The following DLGAP2 variants were observed in gnomAD, a reference collection of about 807,000 sequenced individuals.
DLGAP2 encodes DLG associated protein 2.
Under a neutral mutation model 100.3 loss-of-function variants are expected in DLGAP2, and 26 were observed. The ratio of observed to expected loss-of-function variants is 0.26; its 90% CI spans 0.19 to 0.36. DLGAP2 has a LOEUF of 0.36. DLGAP2 is among the 10% of genes least tolerant of loss of function. DLGAP2 has a pLI of 1.00. For synonymous variants in DLGAP2, 886 were observed against 630.1 expected (o/e 1.41, Z -6.08); for missense variants, 1,858 against 1,453.2 (o/e 1.28, Z -4.53).
intron 1 of DLGAP2, among the ~76,000 whole-genome samples, chr8:904,000 C>T (rs111998057): frequency 2.2e-4 from 34 of 152,316 alleles, no homozygotes; most frequent in African/African-American, 7.2e-4. Flanking sequence ...GGCCTCTGGA[C>T]GCAGGGGACA....
chr8:1,125,462 A>G (rs1458058807), intron 2 of DLGAP2, among the ~76,000 whole-genome samples: 2 of 152,218 alleles, frequency 1.3e-5, no homozygotes, highest in Non-Finnish European at 2.9e-5. Context: ...TACTATATTT[A>G]TAATAAATAT....
At chr8:1,689,049 A>G (rs560087769) in intron 12 of DLGAP2, among the ~76,000 whole-genome samples, 12 of 152,340 alleles carry the variant, frequency 7.9e-5, no homozygotes, top group African/African-American at 2.4e-4. Context: ...TGTGCAATGA[A>G]TCTCACCAGT....
chr8:1,083,585 C>G (rs865859721), intron 2 of DLGAP2, among the ~76,000 whole-genome samples: 3 of 152,132 alleles, frequency 2.0e-5, no homozygotes, highest in Non-Finnish European at 2.9e-5. Flanking sequence ...ACAACCTTTT[C>G]CCTCATAATT....
chr8:1,000,566 G>A (rs1800925602), intron 2 of DLGAP2, among the ~76,000 whole-genome samples: 1 of 152,160 alleles, frequency 6.6e-6, no homozygotes. Flanking sequence ...CTTTTGCACT[G>A]GTGTCTAGAT....
At chr8:890,107 G>T (rs2128995349) in intron 1 of DLGAP2, among the ~76,000 whole-genome samples, 1 of 152,214 alleles carries the variant, frequency 6.6e-6, no homozygotes, top group East Asian at 1.9e-4. Flanking sequence ...AGAGAACCTG[G>T]ATACCTTGGC....
At chr8:1,341,042 C>T (rs111276291) in intron 3 of DLGAP2, among the ~76,000 whole-genome samples, 3,447 of 151,986 alleles carry the variant, frequency 0.023, 147 homozygotes, top group African/African-American at 0.079. Context: ...TGAGAACTCA[C>T]GGACACATAG....
chr8:1,412,327 C>T (rs1228061089), intron 3 of DLGAP2, among the ~76,000 whole-genome samples: 2 of 152,246 alleles, frequency 1.3e-5, no homozygotes, highest in Non-Finnish European at 2.9e-5. Context: ...TTCTCTCCCT[C>T]AGCCTCCCTG....
rs1236850567 is a variant in DLGAP2, at chr8:1,549,418, C to G, written c.965C>G (p.Pro322Arg). Residue 322 changes from proline to arginine, a missense_variant, in exon 5 of 15, where the codon CCC (proline) becomes CGC (arginine). Pro to Arg is a moderately radical substitution (Grantham distance 103). Transcript: ENST00000637795. ...PSVLNRHHLG[P>R]VAHCYPDALQ... ...GTGCTCAACCGGCACCACCTGGGCC[C>G]CGTGGCCCACTGCTACCCCGACGCG... 6.2e-7 allele frequency: 1 copy of G among 1,613,460 alleles called. No individual in the cohort carries two copies. Among genetic ancestry groups the G allele is most frequent in the Non-Finnish European group, 8.5e-7 (1 of 1,179,792 alleles).
At chr8:1,275,385 T>A (rs1799662158) in intron 3 of DLGAP2, among the ~76,000 whole-genome samples, 1 of 151,270 alleles carries the variant, frequency 6.6e-6, no homozygotes, top group Non-Finnish European at 1.5e-5. Context: ...CACAATAGAT[T>A]TGCACCCCAG....
At chr8:1,025,285 C>T (rs984931233) in intron 2 of DLGAP2, among the ~76,000 whole-genome samples, 3 of 152,120 alleles carry the variant, frequency 2.0e-5, no homozygotes, top group Admixed American at 6.6e-5. Flanking sequence ...ACCTGGATCC[C>T]CGATCCTGAA....
chr8:1,251,010 C>G (rs539724855), intron 2 of DLGAP2, among the ~76,000 whole-genome samples: 14 of 152,316 alleles, frequency 9.2e-5, no homozygotes, highest in South Asian at 8.3e-4. Context: ...GGTTGGCTTT[C>G]TGCTACGTGT....
rs1801044705 is a variant in DLGAP2, at chr8:1,327,325, A to C, written c.106+68442A>C. ...CTCAGAGCTCCACACCTGTGGCTCC[A>C]CGGGGACTGCAGTGGGTTTCATGTA... On this transcript the variant is annotated intron_variant, in intron 3 of 14. Coordinates refer to ENST00000637795, the MANE Select transcript of DLGAP2 (RefSeq NM_001346810.2). Among the ~76,000 whole-genome samples the C allele has an allele frequency of 2.6e-5, 4 of 152,350 alleles. No individual in the cohort carries two copies. In the South Asian group the frequency reaches 8.3e-4, roughly 32 times the overall value.
intron 8 of DLGAP2, among the ~76,000 whole-genome samples, chr8:1,664,528 C>T (rs762755007): frequency 5.9e-5 from 9 of 152,124 alleles, no homozygotes; most frequent in Non-Finnish European, 1.2e-4. Context: ...CTGAAATCAG[C>T]GAATCTTACA....
Position 904,515 on chromosome 8 carries a change from C to A in DLGAP2, c.19-3397C>A, listed in dbSNP as rs940175557. On this transcript the variant is annotated intron_variant, in intron 1 of 14. Transcript: ENST00000637795. ...AGCCTGGGCGATAGAACAAGACTGT[C>A]TCAAAAAAATTACATGGCTGCATGT... 2.0e-5 allele frequency among the ~76,000 whole-genome samples: 3 copies of A among 152,170 alleles called. 1 individual carries two copies. The highest frequency in any genetic ancestry group is 7.2e-5 in the African/African-American group (3 of 41,438).
chr8:1,071,011 G>A (rs1803411482), intron 2 of DLGAP2, among the ~76,000 whole-genome samples: 1 of 152,202 alleles, frequency 6.6e-6, no homozygotes, highest in Admixed American at 6.5e-5. Flanking sequence ...ACAGTGTGCT[G>A]TGGATGAGAT....
At chr8:1,150,028 T>C (rs1293031802) in intron 2 of DLGAP2, among the ~76,000 whole-genome samples, 1 of 152,238 alleles carries the variant, frequency 6.6e-6, no homozygotes, top group Non-Finnish European at 1.5e-5. Context: ...TTTTGTGTGG[T>C]TGATATTTAG....
intron 3 of DLGAP2, among the ~76,000 whole-genome samples, chr8:1,320,738 C>G (rs1800877090): frequency 6.6e-6 from 1 of 152,232 alleles, no homozygotes. Context: ...CATGGCCAGA[C>G]CTCTCCAACT....
intron 2 of DLGAP2, among the ~76,000 whole-genome samples, chr8:1,237,343 C>T (rs1486712819): frequency 9.4e-6 from 1 of 106,332 alleles, no homozygotes; most frequent in Non-Finnish European, 1.9e-5. Flanking sequence ...TCACATGGTG[C>T]CGTGTCTAGT....
chr8:1,591,698 C>T (rs1490371129), intron 6 of DLGAP2, among the ~76,000 whole-genome samples: 1 of 152,146 alleles, frequency 6.6e-6, no homozygotes, highest in Non-Finnish European at 1.5e-5. Context: ...ATGTGTGCAG[C>T]CAGTTTACAC....
Sources: gnomAD v4.1 joint callset for allele counts (sites outside exome capture counted in the v4.1 genomes callset) on GRCh38, gnomAD v4.1.1 for gene constraint, MANE v1.5 for transcripts, NCBI Gene and HGNC (gene_info 2026-07-23, HGNC 2026-07-21) for gene names.